The following ST6GALNAC3 variants were observed in gnomAD, a reference collection of about 807,000 sequenced individuals.
ST6GALNAC3 encodes ST6 N-acetylgalactosaminide alpha-2,6-sialyltransferase 3.
ST6GALNAC3 carries 25 observed loss-of-function variants against 32.7 expected under a neutral mutation model. The ratio of observed to expected loss-of-function variants is 0.76; its 90% CI spans 0.56 to 1.07. The LOEUF (loss-of-function observed/expected upper bound fraction) is 1.07, where lower values mean the gene tolerates loss of function less well. Ranked by LOEUF, ST6GALNAC3 falls within the 50% of genes least tolerant of loss-of-function variation. ST6GALNAC3 has a pLI of 0.00. For missense variants in ST6GALNAC3, 355 were observed against 382.4 expected (o/e 0.93, Z 0.60); for synonymous variants, 129 against 133.1 (o/e 0.97, Z 0.21).
chr1:76,567,892 T>C (rs1196348077), intron 3 of ST6GALNAC3, among the ~76,000 whole-genome samples: 1 of 152,246 alleles, frequency 6.6e-6, no homozygotes, highest in Non-Finnish European at 1.5e-5. Flanking sequence ...ATAGGCTCTC[T>C]AATGCATATA....
intron 3 of ST6GALNAC3, among the ~76,000 whole-genome samples, chr1:76,527,227 C>T (rs1662969097): frequency 2.6e-5 from 4 of 152,104 alleles, no homozygotes; most frequent in Admixed American, 1.3e-4. Context: ...AGAAAGCTTG[C>T]TTCATCCTCA....
intron 3 of ST6GALNAC3, among the ~76,000 whole-genome samples, chr1:76,466,399 T>A (rs1478260539): frequency 1.3e-5 from 2 of 151,936 alleles, no homozygotes; most frequent in East Asian, 3.9e-4. Flanking sequence ...CTCCCTAGGG[T>A]TCCTGAGAGA....
In ST6GALNAC3 at chr1:76,184,686, C is replaced by T. The variant is rs1224311481; in HGVS notation, c.18+109802C>T. Among the ~76,000 whole-genome samples, 5 of 152,066 alleles carry T rather than the reference C, an allele frequency of 3.3e-5. No individual in the cohort carries two copies. The East Asian group carries it at 9.7e-4, about 29-fold the overall frequency. On this transcript the variant is annotated intron_variant, in intron 1 of 4. Transcript: ENST00000328299. ...GGAGCAAACCAACCAATGAGGACCACCCATGGGAACAGATGGAGTTCAGAA... is the reference window on the plus strand; with the variant it reads ...GGAGCAAACCAACCAATGAGGACCATCCATGGGAACAGATGGAGTTCAGAA...
intron 2 of ST6GALNAC3, among the ~76,000 whole-genome samples, chr1:76,340,510 AC>A (rs1438957628): frequency 6.6e-6 from 1 of 152,088 alleles, no homozygotes; most frequent in Non-Finnish European, 1.5e-5. Flanking sequence ...AAATTCAAAG[AC>A]CTCAACTCCT....
chr1:76,169,113 T>A (rs1652312013), intron 1 of ST6GALNAC3, among the ~76,000 whole-genome samples: 1 of 152,194 alleles, frequency 6.6e-6, no homozygotes, highest in South Asian at 2.1e-4. Flanking sequence ...ATATTTAGCG[T>A]TTCCTTCATG....
At chr1:76,202,657 T>C (rs1221581169) in intron 1 of ST6GALNAC3, among the ~76,000 whole-genome samples, 7 of 152,166 alleles carry the variant, frequency 4.6e-5, no homozygotes, top group Non-Finnish European at 8.8e-5. Flanking sequence ...CTATTCCCAA[T>C]AGCCTGCTTT....
At chr1:76,386,066 A>G (rs1652071109) in intron 2 of ST6GALNAC3, among the ~76,000 whole-genome samples, 1 of 152,004 alleles carries the variant, frequency 6.6e-6, no homozygotes, top group African/African-American at 2.4e-5. Flanking sequence ...TTAAGTTGGG[A>G]ACTTCTAGCA....
At chr1:76,406,495 T>G (rs1023430986) in intron 2 of ST6GALNAC3, among the ~76,000 whole-genome samples, 3 of 152,060 alleles carry the variant, frequency 2.0e-5, no homozygotes, top group African/African-American at 7.2e-5. Flanking sequence ...TTAGTTTATC[T>G]TAGACTGAAA....
intron 1 of ST6GALNAC3, among the ~76,000 whole-genome samples, chr1:76,210,373 T>C (rs12064344): frequency 0.13 from 19,865 of 152,258 alleles, 1,733 homozygotes; most frequent in Non-Finnish European, 0.19. Context: ...TATGCTGAAG[T>C]TATAGTACAT....
intron 1 of ST6GALNAC3, among the ~76,000 whole-genome samples, chr1:76,158,321 A>G (rs1651592869): frequency 6.6e-6 from 1 of 152,150 alleles, no homozygotes; most frequent in African/African-American, 2.4e-5. Flanking sequence ...TGTGCAATGC[A>G]GTTCTACACC....
At chr1:76,478,937 G>GT (rs1659536773) in intron 3 of ST6GALNAC3, among the ~76,000 whole-genome samples, 1 of 151,398 alleles carries the variant, frequency 6.6e-6, no homozygotes, top group Non-Finnish European at 1.5e-5. Flanking sequence ...TAATTTTTTT[G>GT]TATTTTTAGT....
In ST6GALNAC3 at chr1:76,246,107, T is replaced by C. The variant is rs575050715; in HGVS notation, c.19-67698T>C. Among the ~76,000 whole-genome samples the C allele has an allele frequency of 2.0e-5, 3 of 152,330 alleles. No homozygotes were observed. The South Asian group carries it at 6.2e-4, about 32-fold the overall frequency. On this transcript the variant is annotated intron_variant, in intron 1 of 4. Transcript: ENST00000328299. ...TGGGTGCTCCTATGTTGGGTGCATG[T>C]ATATTTAGGATAGTTAGCTTTTCTT... is the stretch of plus-strand genomic sequence containing the variant.
At chr1:76,343,331 T>A (rs552632837) in intron 2 of ST6GALNAC3, among the ~76,000 whole-genome samples, 1 of 152,302 alleles carries the variant, frequency 6.6e-6, no homozygotes, top group Admixed American at 6.5e-5. Flanking sequence ...AGCAACTCTT[T>A]CAGTAACAGA....
intron 3 of ST6GALNAC3, among the ~76,000 whole-genome samples, chr1:76,598,292 C>G (rs191558940): frequency 1.3e-5 from 2 of 152,218 alleles, no homozygotes; most frequent in African/African-American, 4.8e-5. Context: ...TAGCCATAAC[C>G]AGATGTTTTT....
At chr1:76,483,901 C>T (rs186075819) in intron 3 of ST6GALNAC3, among the ~76,000 whole-genome samples, 6 of 142,260 alleles carry the variant, frequency 4.2e-5, no homozygotes, top group South Asian at 2.2e-4. Context: ...TTTTTGTATA[C>T]GGTGCAAGGA....
At chr1:76,356,568 G>T (rs1649466420) in intron 2 of ST6GALNAC3, among the ~76,000 whole-genome samples, 1 of 152,038 alleles carries the variant, frequency 6.6e-6, no homozygotes, top group Non-Finnish European at 1.5e-5. Flanking sequence ...AAAAGTAAAG[G>T]GATGAAAGGC....
chr1:76,175,886 A>G (rs1322846496), intron 1 of ST6GALNAC3, among the ~76,000 whole-genome samples: 1 of 152,142 alleles, frequency 6.6e-6, no homozygotes, highest in Non-Finnish European at 1.5e-5. Context: ...CTCCAGAAAA[A>G]TACTTTCTGA....
intron 3 of ST6GALNAC3, among the ~76,000 whole-genome samples, chr1:76,540,490 C>T (rs991691099): frequency 1.3e-5 from 2 of 152,032 alleles, no homozygotes; most frequent in African/African-American, 4.8e-5. Context: ...GAAATAAAAA[C>T]AAGCATTAAA....
chr1:76,336,516 C>A (rs1319602796), intron 2 of ST6GALNAC3, among the ~76,000 whole-genome samples: 1 of 152,198 alleles, frequency 6.6e-6, no homozygotes, highest in Non-Finnish European at 1.5e-5. Context: ...CACTTCACAA[C>A]ACAGTCATAT....
Sources: gnomAD v4.1 joint callset for allele counts (sites outside exome capture counted in the v4.1 genomes callset) on GRCh38, gnomAD v4.1.1 for gene constraint, MANE v1.5 for transcripts, NCBI Gene and HGNC (gene_info 2026-07-23, HGNC 2026-07-21) for gene names.